Variants in EYA3 observed in about 807,000 individuals in gnomAD.
EYA3 encodes the protein protein phosphatase EYA3.
In EYA3, 39 loss-of-function variants were observed where a neutral mutation model predicts 80.0. That is an observed-to-expected ratio of 0.49 (90% CI 0.38 to 0.64). The LOEUF is 0.64. Ranked by LOEUF, EYA3 falls within the 30% of genes least tolerant of loss-of-function variation. The pLI is 0.00. For synonymous variants in EYA3, 206 were observed against 232.8 expected (o/e 0.88, Z 1.05); for missense variants, 523 against 676.1 (o/e 0.77, Z 2.51).
rs116127752 is a variant in EYA3 at position 28,031,666 on chromosome 1, T to G, written c.362-3740A>C. Among the ~76,000 whole-genome samples the G allele has an allele frequency of 3.0e-3, 462 of 152,338 alleles. 2 individuals carry two copies. The highest frequency in any genetic ancestry group is 0.01 in the African/African-American group (427 of 41,578). ...AGATTAGTCTGGTGAGGAACTGAAG[T>G]ACACACCAATGCTAGAAAAAGCACA... On this transcript the variant is annotated intron_variant, in intron 6 of 17. Transcript: ENST00000373871.
chr1:28,061,640 C>T (rs1644631081), intron 1 of EYA3, among the ~76,000 whole-genome samples: 1 of 151,332 alleles, frequency 6.6e-6, no homozygotes, highest in African/African-American at 2.4e-5. Context: ...CGCTCTGTCG[C>T]CCAGGCTGGA....
chr1:27,987,912 A>G (rs2492958), intron 16 of EYA3, among the ~76,000 whole-genome samples: 146,693 of 152,306 alleles, frequency 0.96, 70,839 homozygotes, highest in East Asian at 1. Flanking sequence ...TGTCACCTAG[A>G]TTATAGCACA....
chr1:27,974,610 C>T, intron 17 of EYA3, 64 bp from the exon 18 acceptor site: 2 of 1,422,328 alleles, frequency 1.4e-6, no homozygotes, highest in Non-Finnish European at 2.0e-6. Flanking sequence ...AAATATTTGC[C>T]CATACTCTTT....
At chr1:28,003,100 C>CA (rs1181469791) in intron 11 of EYA3, among the ~76,000 whole-genome samples, 9,769 of 61,306 alleles carry the variant, frequency 0.16, 433 homozygotes, top group Non-Finnish European at 0.21. Flanking sequence ...ACTAAAAATA[C>CA]AAAAAAAAAA....
intron 10 of EYA3, 79 bp downstream of exon 10, chr1:28,010,868 T>G: frequency 1.6e-5 from 24 of 1,524,398 alleles, no homozygotes; most frequent in Non-Finnish European, 1.9e-5. Context: ...ATTATCTCTG[T>G]GAGCTTCAAA....
chr1:28,035,868 G>A (rs1382919801), intron 5 of EYA3, among the ~76,000 whole-genome samples, 188 bp from the exon 6 acceptor site: 2 of 152,120 alleles, frequency 1.3e-5, no homozygotes, highest in Admixed American at 6.5e-5. Context: ...AGGCTGGAGT[G>A]CAGTGGCATG....
At chr1:27,975,329 G>A (rs1638877802) in intron 17 of EYA3, among the ~76,000 whole-genome samples, 1 of 151,572 alleles carries the variant, frequency 6.6e-6, no homozygotes, top group African/African-American at 2.4e-5. Flanking sequence ...CTAAAGGCAT[G>A]TGACACTATG....
chr1:28,053,509 A>G (rs540837312), intron 2 of EYA3, among the ~76,000 whole-genome samples: 1 of 152,328 alleles, frequency 6.6e-6, no homozygotes, highest in Admixed American at 6.5e-5. Flanking sequence ...ATCCAGGCTC[A>G]AGGCTAAGTT....
intron 1 of EYA3, among the ~76,000 whole-genome samples, chr1:28,071,670 T>C (rs1645025218): frequency 6.6e-6 from 1 of 152,204 alleles, no homozygotes; most frequent in Non-Finnish European, 1.5e-5. Flanking sequence ...ATTCATAGAA[T>C]ATTTCAAGCT....
intron 7 of EYA3, among the ~76,000 whole-genome samples, chr1:28,020,471 G>A (rs1377038935): frequency 2.6e-5 from 4 of 152,136 alleles, no homozygotes; most frequent in Admixed American, 2.6e-4. Context: ...AAAATAGTAA[G>A]ACAAAGTCCT....
chr1:28,083,480 A>AC, intron 1 of EYA3, among the ~76,000 whole-genome samples: 1 of 152,270 alleles, frequency 6.6e-6, no homozygotes, highest in Non-Finnish European at 1.5e-5. Flanking sequence ...AGATTGTGCC[A>AC]CTGCACTCTA....
rs530261953 is a variant in EYA3, at chr1:28,052,061, T to A, written c.34-3635A>T. On this transcript the variant is annotated intron_variant, in intron 2 of 17. Transcript: ENST00000373871. ...GCTCACTCTGTCACCCTGGCTGGAG[T>A]GCAGTGGTGCGATCTCGGCTCACTG... Among the ~76,000 whole-genome samples the A allele has an allele frequency of 2.4e-4, 36 of 152,192 alleles. No homozygotes were observed. The East Asian group carries it at 6.9e-3, about 29-fold the overall frequency.
chr1:28,027,986 T>C, intron 6 of EYA3, 60 bp from the exon 7 acceptor site: 3 of 1,571,046 alleles, frequency 1.9e-6, no homozygotes, highest in Non-Finnish European at 2.6e-6. Flanking sequence ...AGCATGGTTA[T>C]GCTTTCAAAT....
At chr1:28,028,049 T>A in intron 6 of EYA3, 123 bp from the exon 7 acceptor site, 2 of 1,121,882 alleles carry the variant, frequency 1.8e-6, no homozygotes, top group Non-Finnish European at 2.5e-6. Flanking sequence ...AATTTGCTTG[T>A]AAGAGAAAAT....
At chr1:28,066,334 T>A (rs1446082731) in intron 1 of EYA3, among the ~76,000 whole-genome samples, 2 of 152,118 alleles carry the variant, frequency 1.3e-5, no homozygotes, top group African/African-American at 2.4e-5. Flanking sequence ...GGTACTACCT[T>A]ACTTAAAAAT....
intron 3 of EYA3, among the ~76,000 whole-genome samples, chr1:28,045,901 C>T (rs922994326): frequency 1.3e-4 from 20 of 152,032 alleles, no homozygotes; most frequent in South Asian, 4.1e-4. Flanking sequence ...AAAGAAAATG[C>T]GGAACAGACA....
At chr1:28,032,642 C>T (rs893691774) in intron 6 of EYA3, among the ~76,000 whole-genome samples, 3 of 152,188 alleles carry the variant, frequency 2.0e-5, no homozygotes, top group Non-Finnish European at 2.9e-5. Context: ...TACACATACT[C>T]CTTCAGATTC....
chr1:28,082,094 G>A (rs1038734961), intron 1 of EYA3, among the ~76,000 whole-genome samples: 2 of 151,946 alleles, frequency 1.3e-5, no homozygotes, highest in African/African-American at 2.4e-5. Flanking sequence ...TTCCCACCAA[G>A]TGGAAAAAGG....
chr1:28,075,141 T>A (rs1645157141), intron 1 of EYA3, among the ~76,000 whole-genome samples: 1 of 152,224 alleles, frequency 6.6e-6, no homozygotes, highest in Non-Finnish European at 1.5e-5. Flanking sequence ...GTCTAGAGAT[T>A]AATCAGAACT....
Sources: gnomAD v4.1 joint callset for allele counts (sites outside exome capture counted in the v4.1 genomes callset) on GRCh38, gnomAD v4.1.1 for gene constraint, MANE v1.5 for transcripts, NCBI Gene and HGNC (gene_info 2026-07-23, HGNC 2026-07-21) for gene names.